Variants in ROBO2 observed in about 807,000 individuals in gnomAD.
ROBO2 encodes roundabout guidance receptor 2.
Under a neutral mutation model 160.8 loss-of-function variants are expected in ROBO2, and 53 were observed. The ratio of observed to expected loss-of-function variants is 0.33; its 90% CI spans 0.26 to 0.41. The LOEUF (loss-of-function observed/expected upper bound fraction) is 0.41. Ranked by LOEUF, ROBO2 falls within the 10% of genes least tolerant of loss-of-function variation. ROBO2 has a pLI of 1.00. For synonymous variants in ROBO2, 664 were observed against 611.7 expected (o/e 1.09, Z -1.26); for missense variants, 1,577 against 1,722.4 (o/e 0.92, Z 1.49).
At chr3:77,347,317 C>T (rs150864394) in intron 2 of ROBO2, among the ~76,000 whole-genome samples, 76 of 152,156 alleles carry the variant, frequency 5.0e-4, no homozygotes, top group African/African-American at 1.7e-3. Flanking sequence ...TTAAATACCT[C>T]GCGTTCCAGA....
At chr3:76,176,028 TATC>T (rs1208643290) in intron 2 of ROBO2, among the ~76,000 whole-genome samples, 1 of 152,152 alleles carries the variant, frequency 6.6e-6, no homozygotes, top group Non-Finnish European at 1.5e-5. Flanking sequence ...ATTGTATTGA[TATC>T]ATTATAAGTT....
intron 24 of ROBO2, among the ~76,000 whole-genome samples, chr3:77,637,041 A>C (rs1205486503): frequency 1.3e-5 from 2 of 152,234 alleles, no homozygotes; most frequent in South Asian, 4.1e-4. Context: ...CATTATCCTA[A>C]CATAGTTCAA....
chr3:77,358,130 T>G (rs2069398046), intron 2 of ROBO2, among the ~76,000 whole-genome samples: 1 of 152,192 alleles, frequency 6.6e-6, no homozygotes, highest in African/African-American at 2.4e-5. Context: ...TGTTGCAAAC[T>G]GTCATAAATT....
At chr3:76,599,495 T>C (rs1312355566) in intron 2 of ROBO2, among the ~76,000 whole-genome samples, 1 of 152,168 alleles carries the variant, frequency 6.6e-6, no homozygotes, top group South Asian at 2.1e-4. Flanking sequence ...TTGTGAATAG[T>C]GCTGCAATGA....
At chr3:77,186,469 C>T (rs1248089121) in intron 2 of ROBO2, among the ~76,000 whole-genome samples, 1 of 151,912 alleles carries the variant, frequency 6.6e-6, no homozygotes, top group Non-Finnish European at 1.5e-5. Context: ...CAAGGGAGAG[C>T]ATGCAGGCAA....
intron 2 of ROBO2, among the ~76,000 whole-genome samples, chr3:77,155,307 C>A (rs2077906486): frequency 6.6e-6 from 1 of 151,926 alleles, no homozygotes; most frequent in Non-Finnish European, 1.5e-5. Context: ...GGGAGATTAT[C>A]TTGAATCATC....
chr3:77,623,934 C>T (rs1187160309), intron 23 of ROBO2, among the ~76,000 whole-genome samples: 1 of 152,038 alleles, frequency 6.6e-6, no homozygotes, highest in Non-Finnish European at 1.5e-5. Context: ...CAAGAGAATG[C>T]CATTTTGCAC....
chr3:76,578,496 T>C (rs2085454037), intron 2 of ROBO2, among the ~76,000 whole-genome samples: 1 of 152,118 alleles, frequency 6.6e-6, no homozygotes, highest in Non-Finnish European at 1.5e-5. Flanking sequence ...TTTTAGTTCA[T>C]TTGTAACATT....
chr3:76,596,662 G>A lies in ROBO2; in HGVS notation c.110-501352G>A, dbSNP rs2086754612. ...GCTACTAGGCCATCAACAGCAGGTA[G>A]TAAGAATATCACATTCGGCCTTTAA... On this transcript the variant is annotated intron_variant, in intron 2 of 26. Coordinates refer to the ROBO2 transcript ENST00000487694. Among the ~76,000 whole-genome samples, 3 of 152,220 alleles carry A rather than the reference G, an allele frequency of 2.0e-5. No individual in the cohort carries two copies. In the South Asian group the frequency reaches 6.2e-4, roughly 32 times the overall value.
At chr3:77,588,505 G>A (rs956547950) in intron 16 of ROBO2, among the ~76,000 whole-genome samples, 4 of 151,732 alleles carry the variant, frequency 2.6e-5, no homozygotes, top group African/African-American at 4.8e-5. Flanking sequence ...AATCAACTAC[G>A]TTGTGAATCC....
At chr3:76,587,813 ACTCT>A (rs1280006725) in intron 2 of ROBO2, among the ~76,000 whole-genome samples, 1 of 151,924 alleles carries the variant, frequency 6.6e-6, no homozygotes, top group African/African-American at 2.4e-5. Context: ...TTTATTTTAC[ACTCT>A]CTTTACTCAT....
chr3:76,069,708 A>G (rs2068381397), intron 2 of ROBO2, among the ~76,000 whole-genome samples: 1 of 152,066 alleles, frequency 6.6e-6, no homozygotes, highest in African/African-American at 2.4e-5. Flanking sequence ...TTAATGGTGA[A>G]CTCTTGCTCA....
intron 2 of ROBO2, among the ~76,000 whole-genome samples, chr3:76,762,457 T>TG: frequency 6.6e-6 from 1 of 151,486 alleles, no homozygotes; most frequent in Admixed American, 6.6e-5. Context: ...TTTTTTTTTT[T>TG]TTTTAACATG....
At chr3:77,222,031 T>C (rs561260796) in intron 2 of ROBO2, among the ~76,000 whole-genome samples, 1 of 151,960 alleles carries the variant, frequency 6.6e-6, no homozygotes, top group South Asian at 2.1e-4. Flanking sequence ...TTTTGCGTTT[T>C]TAGTAGAGAT....
chr3:77,229,958 G>A (rs2086962524), intron 2 of ROBO2, among the ~76,000 whole-genome samples: 1 of 152,166 alleles, frequency 6.6e-6, no homozygotes, highest in South Asian at 2.1e-4. Flanking sequence ...TAGGCTTGAT[G>A]GTGAAAGTAT....
chr3:75,941,794 T>C (rs1050542406), intron 2 of ROBO2, among the ~76,000 whole-genome samples: 15 of 152,168 alleles, frequency 9.9e-5, no homozygotes, highest in Admixed American at 6.6e-4. Context: ...GAAAAGCAGA[T>C]CACTTTGTTG....
chr3:77,638,818 CTTTTTTTTTTTTT>C (rs34034420), intron 24 of ROBO2, among the ~76,000 whole-genome samples: 2 of 51,272 alleles, frequency 3.9e-5, no homozygotes, highest in Non-Finnish European at 6.8e-5. Flanking sequence ...TTTCACCTAG[CTTTTTTTTTTTTT>C]TTTTTTTTTT....
chr3:76,081,562 T>C (rs2068831133), intron 2 of ROBO2, among the ~76,000 whole-genome samples: 1 of 152,146 alleles, frequency 6.6e-6, no homozygotes, highest in Non-Finnish European at 1.5e-5. Context: ...AATTCACCTG[T>C]GTCACAGAAG....
chr3:77,095,852 CTA>C (rs1043996018), intron 1 of ROBO2, among the ~76,000 whole-genome samples: 1 of 151,454 alleles, frequency 6.6e-6, no homozygotes, highest in Admixed American at 6.6e-5. Flanking sequence ...TACTCATGAT[CTA>C]TATCCTTTAT....
Sources: allele counts gnomAD v4.1 joint callset (sites outside exome capture counted in the v4.1 genomes callset), GRCh38; gene constraint gnomAD v4.1.1; transcripts MANE v1.5; gene names NCBI Gene and HGNC (gene_info 2026-07-23, HGNC 2026-07-21).